MLXIP: variants seen among roughly 807,000 people sequenced by gnomAD.
MLXIP encodes the protein MLX-interacting protein.
In MLXIP, 30 loss-of-function variants were observed where a neutral mutation model predicts 87.2. The ratio of observed to expected loss-of-function variants is 0.34; its 90% CI spans 0.26 to 0.47. The LOEUF (loss-of-function observed/expected upper bound fraction) is 0.47, where lower values mean the gene tolerates loss of function less well. Among genes scored for constraint, MLXIP ranks in the 20% least tolerant of loss-of-function variants. The probability of loss-of-function intolerance (pLI) is 1.00; values close to 1 mark genes in which losing one functional copy is unlikely to be tolerated. For missense variants in MLXIP, 1,002 were observed against 1,240.1 expected, an observed-to-expected ratio of 0.81 and a Z score of 2.88; for synonymous variants, 530 against 514.0, an observed-to-expected ratio of 1.03 and a Z score of -0.42.
At chr12:122,093,732 C>G (rs1292568966) in intron 1 of MLXIP, among the ~76,000 whole-genome samples, 1 of 61,284 alleles carries the variant, frequency 1.6e-5, no homozygotes, top group African/African-American at 6.6e-5. Context: ...GTTTGCGGTG[C>G]CTGTGTGGTG....
chr12:122,107,500 C>T (rs748075347), intron 1 of MLXIP, among the ~76,000 whole-genome samples: 2 of 152,142 alleles, frequency 1.3e-5, no homozygotes, highest in African/African-American at 2.4e-5. Flanking sequence ...GTCAGACAGC[C>T]CTGAACGTCT....
intron 1 of MLXIP, among the ~76,000 whole-genome samples, chr12:122,087,127 G>C (rs1249503110): frequency 6.6e-6 from 1 of 152,196 alleles, no homozygotes; most frequent in South Asian, 2.1e-4. Context: ...GAGCCTGGCT[G>C]GCCGGGCCCC....
intron 1 of MLXIP, among the ~76,000 whole-genome samples, chr12:122,095,643 G>GTT (rs1431923416): frequency 2.0e-5 from 3 of 147,476 alleles, no homozygotes; most frequent in African/African-American, 7.4e-5. Context: ...TCATAGTATA[G>GTT]TTTTTTTTTT....
chr12:122,088,355 G>A (rs1952198433), intron 1 of MLXIP, among the ~76,000 whole-genome samples: 1 of 152,210 alleles, frequency 6.6e-6, no homozygotes, highest in African/African-American at 2.4e-5. Flanking sequence ...CAGCATTGTT[G>A]ATGTATTTGG....
At chr12:122,105,155 A>G (rs1040121431) in intron 1 of MLXIP, among the ~76,000 whole-genome samples, 1 of 152,170 alleles carries the variant, frequency 6.6e-6, no homozygotes, top group Non-Finnish European at 1.5e-5. Context: ...TGGTGGTGCT[A>G]AATTGGGCCA....
At position 122,137,656 on chromosome 12, in the gene MLXIP, G is replaced by C. The variant is rs960413444; in HGVS notation, c.2154+66G>C. The stretch of plus-strand genomic sequence containing the variant: ...GAGGAGTGCAGGACATCAAGGATCT[G>C]TGTCTTGTCTGGAACGGAGACCTCA... On this transcript the variant is annotated intron_variant, in intron 12 of 16. Transcript: ENST00000319080. The surrounding 1 kb of genome is among the most constrained non-coding windows in gnomAD (Gnocchi z 4.1). 193 of 1,552,184 alleles carry C rather than the reference G, an allele frequency of 1.2e-4. 1 individual carries two copies. Among genetic ancestry groups the C allele is most frequent in the Middle Eastern group, 6.7e-4 (4 of 5,928 alleles).
In MLXIP at chr12:122,133,934, C is replaced by T. The variant is rs1452512502; in HGVS notation, c.1679C>T (p.Ala560Val). Residue 560 changes from alanine to valine, a missense_variant, in exon 9 of 17, where the codon GCT (alanine) becomes GTT (valine). By Grantham distance (64) the Ala-to-Val change is moderately conservative. This residue lies in a region of MLXIP where 746 missense variants were observed against 897.0 expected (regional missense o/e 0.83). Transcript: ENST00000319080. The surrounding 1 kb of genome is among the most constrained non-coding windows in gnomAD (Gnocchi z 4.9). ...RPKQPHKIVP[A>V]PKPEPVSLVL... ...AAGCAGCCCCACAAAATAGTGCCTG[C>T]TCCCAAACCAGAGCCCGTGTCCTTG... 4 of 1,607,426 alleles carry T rather than the reference C, an allele frequency of 2.5e-6. No homozygotes were observed. The highest frequency in any genetic ancestry group is 2.2e-5 in the East Asian group (1 of 44,656).
Position 122,082,188 on chromosome 12 carries a change from G to A in MLXIP, c.413+2922G>A, listed in dbSNP as rs905454127. ...GGACTTGGATATGAGTGTGCCCAGG[G>A]CCTGCTGGGTAGGGAACCGTGCAGA... is the stretch of plus-strand genomic sequence containing the variant. On this transcript the variant is annotated intron_variant, in intron 1 of 16. Coordinates refer to ENST00000319080, the MANE Select transcript of MLXIP (RefSeq NM_014938.6). Among the ~76,000 whole-genome samples, 4 of 152,156 alleles carry A rather than the reference G, an allele frequency of 2.6e-5. 1 individual carries two copies. Among genetic ancestry groups the A allele is most frequent in the African/African-American group, 9.7e-5 (4 of 41,428 alleles).
At chr12:122,115,330 A>G (rs913608289) in intron 1 of MLXIP, among the ~76,000 whole-genome samples, 5 of 151,924 alleles carry the variant, frequency 3.3e-5, no homozygotes, top group Non-Finnish European at 7.4e-5. Context: ...TCTCACGCCT[A>G]TAATCCCAGC....
At position 122,135,875 on chromosome 12, in the gene MLXIP, T is replaced by C; in HGVS notation, c.2032+209T>C. The C allele has an allele frequency of 3.3e-6, 2 of 606,328 alleles. No homozygotes were observed. The highest frequency in any genetic ancestry group is 5.4e-6 in the Non-Finnish European group (2 of 370,138). The allele number at this position is 606,328 out of a possible 1,614,324, so 37.6% of individuals were successfully genotyped here. ...GTGGTGGCACTGGCAGGGCAAAAAG[T>C]AGTGAACATGTGGCAGTGTAGGTGA... On this transcript the variant is annotated intron_variant, in intron 11 of 16. Transcript: ENST00000319080. This position sits in a 1 kb window ranked among gnomAD's most constrained non-coding sequence, Gnocchi z 5.3.
chr12:122,087,767 C>T (rs919044481), intron 1 of MLXIP, among the ~76,000 whole-genome samples: 1 of 152,154 alleles, frequency 6.6e-6, no homozygotes, highest in Non-Finnish European at 1.5e-5. Context: ...AGGGTGAGAG[C>T]AGGAGCGAGG....
Position 122,130,045 on chromosome 12 carries a change from C to T in MLXIP, c.843C>T (p.Phe281=). The change falls in exon 6 of 17, where the codon TTC becomes TTT. Residue 281 remains phenylalanine, a synonymous_variant. Transcript: ENST00000319080. ...LLDTDMLMSE[F]SDTLFSTLSS... ...ACACAGACATGCTCATGTCGGAATTCAGCGACACCCTCTTCTCCACACTTT... is the reference window on the plus strand; with the variant it reads ...ACACAGACATGCTCATGTCGGAATTTAGCGACACCCTCTTCTCCACACTTT... 3.1e-6 allele frequency: 5 copies of T among 1,613,986 alleles called. No homozygotes were observed. The highest frequency in any genetic ancestry group is 3.4e-6 in the Non-Finnish European group (4 of 1,179,878).
In MLXIP at chr12:122,078,986, G is replaced by A. The variant is rs548432108; in HGVS notation, c.133G>A (p.Gly45Ser). Reference sequence around the variant, plus strand: ...TGAGCCGTCCCCGCCGCCCGCCTCCGGCGCGGCCACCCCGGCCCGGGCCCA... The same window carrying A: ...TGAGCCGTCCCCGCCGCCCGCCTCCAGCGCGGCCACCCCGGCCCGGGCCCA... ...TDEPSPPPASGAATPARAHAS... is the reference protein window; with the variant it reads ...TDEPSPPPASSAATPARAHAS... Residue 45 changes from glycine to serine, a missense_variant, in exon 1 of 17, where the codon GGC becomes AGC. This residue lies in a region of MLXIP where 129 missense variants were observed against 104.2 expected (regional missense o/e 1.24). Transcript: ENST00000319080. 1.5e-4 allele frequency: 166 copies of A among 1,093,122 alleles called. No individual in the cohort carries two copies. In the African/African-American group the frequency reaches 2.6e-3, roughly 17 times the overall value. The allele number at this position is 1,093,122 out of a possible 1,614,324, so 67.7% of individuals were successfully genotyped here. A position where few individuals can be genotyped will look rare whatever the true frequency, so the allele number is the denominator to read the frequency against.
Position 122,137,257 on chromosome 12 carries a change from G to A in MLXIP, c.2033-212G>A. 1 of 477,442 alleles carries A rather than the reference G, an allele frequency of 2.1e-6. No individual in the cohort carries two copies. The highest frequency in any genetic ancestry group is 3.6e-6 in the Non-Finnish European group (1 of 277,608). The allele number at this position is 477,442 out of a possible 1,614,324, so 29.6% of individuals were successfully genotyped here. On this transcript the variant is annotated intron_variant, in intron 11 of 16. Transcript: ENST00000319080. This position sits in a 1 kb window ranked among gnomAD's most constrained non-coding sequence, Gnocchi z 4.1. Reference sequence around the variant, plus strand: ...AGGGTTGCTCCATCGTGTTCTGTGTGGATTAAGGGTGTTTTTGTTGTTGTT... The same window carrying A: ...AGGGTTGCTCCATCGTGTTCTGTGTAGATTAAGGGTGTTTTTGTTGTTGTT...
chr12:122,141,962 C>G lies in MLXIP; in HGVS notation c.*150C>G. On this transcript the variant is annotated 3_prime_UTR_variant, in exon 17 of 17. Transcript: ENST00000319080. ...CACCGTGGCATCGGGAGGCCATGCT[C>G]AGGTCTGAAGCAGGTTTGGGGCCTG... 1 of 1,256,412 alleles carries G rather than the reference C, an allele frequency of 8.0e-7. No homozygotes were observed. Among genetic ancestry groups the G allele is most frequent in the South Asian group, 1.4e-5 (1 of 69,236 alleles). 77.8% of individuals were successfully genotyped at this position (1,256,412 alleles called of 1,614,324 possible).
At position 122,128,094 on chromosome 12, in the gene MLXIP, T is replaced by A. The variant is rs565099267; in HGVS notation, c.606+126T>A. On this transcript the variant is annotated intron_variant, in intron 3 of 16. Coordinates refer to ENST00000319080, the MANE Select transcript of MLXIP (RefSeq NM_014938.6). ...GTAGTGCAGCGCCTGCCCTGCGCCATCCATGCCCTGGGGGCCAGGCCTGGG... is the reference window on the plus strand; with the variant it reads ...GTAGTGCAGCGCCTGCCCTGCGCCAACCATGCCCTGGGGGCCAGGCCTGGG... The A allele has an allele frequency of 3.8e-4, 297 of 791,480 alleles. 3 individuals carry two copies. In the Middle Eastern group the frequency reaches 4.6e-3, roughly 12 times the overall value. 49.0% of individuals were successfully genotyped at this position (791,480 alleles called of 1,614,324 possible). A position where few individuals can be genotyped will look rare whatever the true frequency, so the allele number is the denominator to read the frequency against.
chr12:122,120,092 G>A (rs1414905858), intron 1 of MLXIP, among the ~76,000 whole-genome samples: 1 of 152,186 alleles, frequency 6.6e-6, no homozygotes, highest in African/African-American at 2.4e-5. Flanking sequence ...ACAGAATGTG[G>A]TCCATCTATA....
intron 1 of MLXIP, among the ~76,000 whole-genome samples, chr12:122,086,507 A>AAACATAAAGCCACACAT (rs1952170242): frequency 6.6e-6 from 1 of 152,128 alleles, no homozygotes; most frequent in African/African-American, 2.4e-5. Context: ...TTTTTAAAGG[A>AAACATAAAGCCACACAT]TTTATGTGAT....
At chr12:122,084,474 T>C (rs1664253450) in intron 1 of MLXIP, among the ~76,000 whole-genome samples, 1 of 152,068 alleles carries the variant, frequency 6.6e-6, no homozygotes, top group Non-Finnish European at 1.5e-5. Flanking sequence ...GAGGTTATTT[T>C]CCGGGTGGAA....
Sources: allele counts gnomAD v4.1 joint callset (sites outside exome capture counted in the v4.1 genomes callset), GRCh38; gene constraint gnomAD v4.1.1; regional missense constraint gnomAD v4.1.1; non-coding constraint Gnocchi (gnomAD v3.1); transcripts MANE v1.5; gene names NCBI Gene and HGNC (gene_info 2026-07-23, HGNC 2026-07-21).